The following MCU variants were observed in gnomAD, a reference collection of about 807,000 sequenced individuals.
The protein encoded by MCU is calcium uniporter protein, mitochondrial.
In MCU, 12 loss-of-function variants were observed where a neutral mutation model predicts 45.2. The observed-to-expected ratio is 0.27, with a 90% confidence interval of 0.17 to 0.43. MCU has a LOEUF of 0.43. Among genes scored for constraint, MCU ranks in the 20% least tolerant of loss-of-function variants. The pLI is 1.00. For missense variants in MCU, 324 were observed against 436.7 expected, an observed-to-expected ratio of 0.74 and a Z score of 2.30; for synonymous variants, 160 against 165.1, an observed-to-expected ratio of 0.97 and a Z score of 0.24.
chr10:72,804,742 A>AAGTATGTTG (rs1844404051), intron 1 of MCU, among the ~76,000 whole-genome samples: 1 of 152,192 alleles, frequency 6.6e-6, no homozygotes, highest in Non-Finnish European at 1.5e-5. Context: ...AATGAAAACA[A>AAGTATGTTG]AGTATGTTGC....
At chr10:72,737,812 G>A (rs1301063710) in intron 1 of MCU, among the ~76,000 whole-genome samples, 1 of 152,094 alleles carries the variant, frequency 6.6e-6, no homozygotes, top group African/African-American at 2.4e-5. Context: ...GAGCCACCAT[G>A]CCCAGCCTAT....
At position 72,884,391 on chromosome 10, in the gene MCU, T is replaced by C; in HGVS notation, c.978+9T>C. The stretch of plus-strand genomic sequence containing the variant: ...AGGATGCAATTGCTCAGGTAAGTTT[T>C]ACAAAAATTAAAATAAATCCCAGCC... On this transcript the variant is annotated intron_variant, in intron 7 of 7. Coordinates refer to ENST00000373053, the MANE Select transcript of MCU (RefSeq NM_138357.3). 1 of 1,482,178 alleles carries C rather than the reference T, an allele frequency of 6.7e-7. No homozygotes were observed. The highest frequency in any genetic ancestry group is 1.4e-5 in the African/African-American group (1 of 72,234). 91.8% of individuals were successfully genotyped at this position (1,482,178 alleles called of 1,614,324 possible).
chr10:72,834,869 A>G (rs1437340673), intron 2 of MCU, among the ~76,000 whole-genome samples: 2 of 152,144 alleles, frequency 1.3e-5, no homozygotes, highest in Non-Finnish European at 2.9e-5. Context: ...CATGTTGGCC[A>G]GACTAGTCTC....
Position 72,878,656 on chromosome 10 carries a change from A to G in MCU, c.862-5610A>G, listed in dbSNP as rs372509599. Among the ~76,000 whole-genome samples the G allele has an allele frequency of 5.9e-5, 9 of 152,356 alleles. No individual in the cohort carries two copies. In the East Asian group the frequency reaches 1.5e-3, roughly 26 times the overall value. The stretch of plus-strand genomic sequence containing the variant: ...CATTGAAAAATTTTAGAAGTGAAAT[A>G]TAATGGATGGGTTTAATAGCAGATT... On this transcript the variant is annotated intron_variant, in intron 6 of 7. Coordinates refer to ENST00000373053, the MANE Select transcript of MCU (RefSeq NM_138357.3).
chr10:72,823,422 C>T (rs573666825), intron 1 of MCU, among the ~76,000 whole-genome samples: 7 of 152,284 alleles, frequency 4.6e-5, no homozygotes, highest in African/African-American at 1.7e-4. Context: ...GACTGGTCCC[C>T]ATGTGATCCC....
At chr10:72,809,520 G>T (rs1421190085) in intron 1 of MCU, among the ~76,000 whole-genome samples, 2 of 152,084 alleles carry the variant, frequency 1.3e-5, no homozygotes, top group Admixed American at 1.3e-4. Flanking sequence ...AAAGTTTGAC[G>T]TACAATTAAT....
intron 1 of MCU, among the ~76,000 whole-genome samples, chr10:72,736,807 G>A (rs1406687251): frequency 6.6e-6 from 1 of 152,094 alleles, no homozygotes; most frequent in Non-Finnish European, 1.5e-5. Context: ...GATTTTTTAG[G>A]CCAGGCATTT....
chr10:72,786,830 ATCC>A (rs759118748), intron 1 of MCU, among the ~76,000 whole-genome samples: 3 of 152,190 alleles, frequency 2.0e-5, no homozygotes, highest in South Asian at 4.1e-4. Context: ...ACTAAATTTA[ATCC>A]TCCTGGAAAC....
intron 1 of MCU, among the ~76,000 whole-genome samples, chr10:72,789,608 A>G (rs1256296306): frequency 6.6e-6 from 1 of 152,168 alleles, no homozygotes; most frequent in Non-Finnish European, 1.5e-5. Flanking sequence ...AGGTCAAACC[A>G]TGTTTGACAC....
chr10:72,871,361 T>G lies in MCU; in HGVS notation c.658-16T>G. 1 of 1,612,944 alleles carries G rather than the reference T, an allele frequency of 6.2e-7. No homozygotes were observed. Among genetic ancestry groups the G allele is most frequent in the African/African-American group, 1.3e-5 (1 of 75,038 alleles). On this transcript the variant is annotated splice_polypyrimidine_tract_variant and intron_variant, in intron 5 of 7. Transcript: ENST00000373053. The stretch of plus-strand genomic sequence containing the variant: ...GTTTTATGTCAAAATGCCTTATGAT[T>G]ATGTGTGCCCAATAGGTACGAATTG...
intron 1 of MCU, among the ~76,000 whole-genome samples, chr10:72,732,570 T>C (rs1843190759): frequency 6.6e-6 from 1 of 152,210 alleles, no homozygotes; most frequent in East Asian, 1.9e-4. Flanking sequence ...GAATTAAAGC[T>C]CTAGAATTCC....
chr10:72,767,087 T>G (rs1843738177), intron 1 of MCU: 1 of 152,222 alleles, frequency 6.6e-6, no homozygotes, highest in African/African-American at 2.4e-5. Flanking sequence ...TTACCTGTCT[T>G]CTGTCATTAA....
At chr10:72,883,577 C>T (rs1044269215) in intron 6 of MCU, among the ~76,000 whole-genome samples, 1 of 152,116 alleles carries the variant, frequency 6.6e-6, no homozygotes, top group African/African-American at 2.4e-5. Flanking sequence ...CACATGCATA[C>T]CCTGTGATCT....
intron 1 of MCU, among the ~76,000 whole-genome samples, chr10:72,802,409 TAAA>T (rs369833125): frequency 1.5e-5 from 2 of 136,396 alleles, no homozygotes; most frequent in African/African-American, 2.7e-5. Flanking sequence ...GAGCTTTCTT[TAAA>T]AAAAAAAAAA....
intron 6 of MCU, among the ~76,000 whole-genome samples, chr10:72,876,146 T>G (rs1012148821): frequency 6.6e-6 from 1 of 152,240 alleles, no homozygotes; most frequent in African/African-American, 2.4e-5. Flanking sequence ...TATATTGTAC[T>G]CCGGCAAACC....
intron 1 of MCU, among the ~76,000 whole-genome samples, chr10:72,699,516 G>A (rs7100909): frequency 0.63 from 94,902 of 151,196 alleles, 31,215 homozygotes; most frequent in African/African-American, 0.72. Context: ...CGGAAAAAGG[G>A]AAAAAAAAGA....
chr10:72,772,195 A>G (rs1843819839), intron 1 of MCU, among the ~76,000 whole-genome samples: 1 of 152,244 alleles, frequency 6.6e-6, no homozygotes, highest in Non-Finnish European at 1.5e-5. Context: ...ATGCCAAATC[A>G]TAGTGGCTGT....
rs566985426 is a variant in MCU, at chr10:72,742,741, A to G, written c.150+50440A>G. On this transcript the variant is annotated intron_variant, in intron 1 of 7. Coordinates refer to ENST00000373053, the MANE Select transcript of MCU (RefSeq NM_138357.3). ...GTGGCCCATGGGCAGGGGCTGAACT[A>G]TAGATAAATTGCAGGGATTGATTAT... 3.9e-5 allele frequency among the ~76,000 whole-genome samples: 6 copies of G among 152,298 alleles called. No individual in the cohort carries two copies. In the South Asian group the frequency reaches 1.2e-3, roughly 32 times the overall value.
chr10:72,813,382 A>T (rs1844573184), intron 1 of MCU, among the ~76,000 whole-genome samples: 1 of 151,844 alleles, frequency 6.6e-6, no homozygotes. Context: ...TATAGAAGGT[A>T]ATGAAAAATC....
Sources: allele counts gnomAD v4.1 joint callset (sites outside exome capture counted in the v4.1 genomes callset), GRCh38; gene constraint gnomAD v4.1.1; transcripts MANE v1.5; gene names NCBI Gene and HGNC (gene_info 2026-07-23, HGNC 2026-07-21).